APOL3: variants seen among roughly 807,000 people sequenced by gnomAD.
APOL3 encodes the protein apolipoprotein L3, also known as TNF-inducible protein CG12-1.
APOL3 carries 14 observed loss-of-function variants against 11.6 expected under a neutral mutation model. The ratio of observed to expected loss-of-function variants is 1.21; its 90% confidence interval spans 0.80 to 1.89. APOL3 has a LOEUF of 1.89. Ranked by LOEUF, APOL3 falls within the 40% of genes most tolerant of loss-of-function variation. APOL3 has a pLI of 0.00. For missense variants in APOL3, 483 were observed against 492.1 expected, an observed-to-expected ratio of 0.98 and a Z score of 0.17; for synonymous variants, 192 against 190.6, an observed-to-expected ratio of 1.01 and a Z score of -0.06.
chr22:36,152,700 C>A (rs780197961), intron 1 of APOL3, among the ~76,000 whole-genome samples: 1 of 152,164 alleles, frequency 6.6e-6, no homozygotes, highest in Non-Finnish European at 1.5e-5. Flanking sequence ...ACCTGGAGCC[C>A]CTAGCTAGTG....
exon 3 of APOL3, chr22:36,141,928 T>C: frequency 6.2e-7 from 1 of 1,614,236 alleles, no homozygotes; most frequent in Non-Finnish European, 8.5e-7. Context: ...TGGATCTTCC[T>C]CTTGACTTGG....
Position 36,153,298 on chromosome 22 carries a change from T to C in APOL3, c.223+7371A>G, listed in dbSNP as rs941969773. 3.7e-5 allele frequency: 16 copies of C among 435,910 alleles called. No individual in the cohort carries two copies. In the East Asian group the frequency reaches 1.1e-3, roughly 31 times the overall value. The allele number at this position is 435,910 out of a possible 1,614,324, so 27.0% of individuals were successfully genotyped here. A position where few individuals can be genotyped will look rare whatever the true frequency, so the allele number is the denominator to read the frequency against. On this transcript the variant is annotated intron_variant, in intron 1 of 2. Coordinates refer to ENST00000349314, the Ensembl canonical transcript of APOL3. Reference sequence around the variant, plus strand: ...GTAACTGCTAACCTCAATAATGGTTTGGATTGTGGTGCCACCACCTTAAAG... The same window carrying C: ...GTAACTGCTAACCTCAATAATGGTTCGGATTGTGGTGCCACCACCTTAAAG...
At chr22:36,163,411 C>T (rs2013781918), upstream of APOL3, among the ~76,000 whole-genome samples, 1 of 152,232 alleles carries the variant, frequency 6.6e-6, no homozygotes, top group African/African-American at 2.4e-5. Context: ...TGGGCACTCA[C>T]CCCACCCGAG....
At chr22:36,151,943 T>C (rs1043944489) in intron 1 of APOL3, among the ~76,000 whole-genome samples, 4 of 151,952 alleles carry the variant, frequency 2.6e-5, no homozygotes, top group Admixed American at 6.6e-5. Flanking sequence ...GAAAAGAAAG[T>C]TACTTGAGAA....
chr22:36,150,373 G>C (rs2060387653), intron 1 of APOL3, among the ~76,000 whole-genome samples: 1 of 152,124 alleles, frequency 6.6e-6, no homozygotes, highest in Non-Finnish European at 1.5e-5. Context: ...GCTCTAAGAT[G>C]TTATAAATAA....
upstream of APOL3, among the ~76,000 whole-genome samples, chr22:36,162,095 C>T (rs2013736526): frequency 6.6e-6 from 1 of 152,126 alleles, no homozygotes; most frequent in Admixed American, 6.5e-5. Flanking sequence ...CAGTGAAATG[C>T]TGAGTTGGTC....
At chr22:36,142,149 C>T (rs2060021446) in intron 2 of APOL3, 91 bp from the exon 4 acceptor site, 1 of 1,363,826 alleles carries the variant, frequency 7.3e-7, no homozygotes, top group African/African-American at 1.5e-5. Context: ...AATCACAGAG[C>T]TATTACTATG....
At chr22:36,162,596 G>C (rs1257857543), upstream of APOL3, among the ~76,000 whole-genome samples, 2 of 152,156 alleles carry the variant, frequency 1.3e-5, no homozygotes, top group Non-Finnish European at 2.9e-5. Context: ...TCTATATAGA[G>C]GGGCTGACTT....
chr22:36,161,758 G>C (rs1026054100), upstream of APOL3, among the ~76,000 whole-genome samples: 1 of 143,242 alleles, frequency 7.0e-6, no homozygotes, highest in Non-Finnish European at 1.6e-5. Flanking sequence ...GAGTATATTA[G>C]GAAGAAGGGG....
rs543905899 is a variant in APOL3 at position 36,154,124 on chromosome 22, C to T, written c.223+6545G>A. Among the ~76,000 whole-genome samples, 13 of 152,204 alleles carry T rather than the reference C, an allele frequency of 8.5e-5. No homozygotes were observed. In the East Asian group the frequency reaches 2.5e-3, roughly 29 times the overall value. On this transcript the variant is annotated intron_variant, in intron 1 of 2. Coordinates refer to ENST00000349314, the Ensembl canonical transcript of APOL3. Reference sequence around the variant, plus strand: ...AAAATGTTTCTTATTAGACTGAAAGCCTGTGTTGATATTAATGCCAGAGAG... The same window carrying T: ...AAAATGTTTCTTATTAGACTGAAAGTCTGTGTTGATATTAATGCCAGAGAG...
chr22:36,147,478 TGAA>T (rs1395594760), intron 1 of APOL3, among the ~76,000 whole-genome samples: 1 of 152,214 alleles, frequency 6.6e-6, no homozygotes, highest in Non-Finnish European at 1.5e-5. Flanking sequence ...CAAGCCCTTC[TGAA>T]GGATTCCGGG....
At chr22:36,154,104 G>A (rs2012309624) in intron 1 of APOL3, among the ~76,000 whole-genome samples, 1 of 152,136 alleles carries the variant, frequency 6.6e-6, no homozygotes. Context: ...GCTGTAAAAT[G>A]TTTCTTATTA....
At chr22:36,162,117 G>C (rs551770906), upstream of APOL3, among the ~76,000 whole-genome samples, 1 of 152,248 alleles carries the variant, frequency 6.6e-6, no homozygotes, top group South Asian at 2.1e-4. Context: ...CAATCCCTTT[G>C]GCCTTTTCAG....
exon 3 of APOL3, chr22:36,142,046 A>G: frequency 1.2e-6 from 2 of 1,611,536 alleles, no homozygotes; most frequent in South Asian, 2.2e-5. Flanking sequence ...CGTAGAGAGC[A>G]TCTGCCTCAT....
intron 1 of APOL3, among the ~76,000 whole-genome samples, chr22:36,146,575 G>GTA (rs150874392): frequency 0.053 from 8,032 of 150,824 alleles, 715 homozygotes; most frequent in African/African-American, 0.18. Context: ...ACATAAGGGT[G>GTA]TATATATATA....
chr22:36,151,876 C>T (rs2011756726), intron 1 of APOL3, among the ~76,000 whole-genome samples: 1 of 151,914 alleles, frequency 6.6e-6, no homozygotes, highest in African/African-American at 2.4e-5. Context: ...TCTCTTGAGC[C>T]CAAGAGGTCA....
chr22:36,149,856 G>C (rs1391000527), intron 1 of APOL3: 10 of 456,150 alleles, frequency 2.2e-5, no homozygotes, highest in Non-Finnish European at 4.4e-5. Context: ...CACTGGTGCT[G>C]TGCTGGACAC....
intron 1 of APOL3, among the ~76,000 whole-genome samples, chr22:36,151,136 GA>G (rs1346315271): frequency 3.3e-5 from 5 of 152,072 alleles, no homozygotes; most frequent in Non-Finnish European, 1.5e-5. Flanking sequence ...TACACCAATG[GA>G]AAAAATTAGA....
chr22:36,161,255 G>C (rs1349373821), upstream of APOL3, among the ~76,000 whole-genome samples: 1 of 152,144 alleles, frequency 6.6e-6, no homozygotes, highest in South Asian at 2.1e-4. Flanking sequence ...CTGGAGTGCG[G>C]TGGCACAATA....
Sources: gnomAD v4.1 joint callset for allele counts (sites outside exome capture counted in the v4.1 genomes callset) on GRCh38, gnomAD v4.1.1 for gene constraint, MANE v1.5 for transcripts, NCBI Gene and HGNC (gene_info 2026-07-23, HGNC 2026-07-21) for gene names.